The following TNRC6B variants were observed in gnomAD, a reference collection of about 807,000 sequenced individuals.
TNRC6B encodes trinucleotide repeat containing adaptor 6B.
In TNRC6B, 52 loss-of-function variants were observed where a neutral mutation model predicts 203.6. The observed-to-expected ratio is 0.26, with a 90% CI of 0.20 to 0.32. The LOEUF (loss-of-function observed/expected upper bound fraction) is 0.32, where lower values mean the gene tolerates loss of function less well. Among genes scored for constraint, TNRC6B ranks in the 10% least tolerant of loss-of-function variants. TNRC6B has a pLI of 1.00. For synonymous variants in TNRC6B, 838 were observed against 845.7 expected, an observed-to-expected ratio of 0.99 and a Z score of 0.16; for missense variants, 1,923 against 2,286.2, an observed-to-expected ratio of 0.84 and a Z score of 3.24.
intron 5 of TNRC6B, among the ~76,000 whole-genome samples, chr22:40,268,173 C>A (rs139958386): frequency 6.6e-6 from 1 of 152,148 alleles, no homozygotes; most frequent in Non-Finnish European, 1.5e-5. Context: ...CTATAACCTC[C>A]GTGCCAAGTT....
intron 1 of TNRC6B, among the ~76,000 whole-genome samples, chr22:40,194,408 T>C (rs2069311363): frequency 6.6e-6 from 1 of 152,190 alleles, no homozygotes; most frequent in South Asian, 2.1e-4. Flanking sequence ...TTGGGCATTA[T>C]GGTATTCTGC....
Position 40,277,976 on chromosome 22 carries a change from C to T in TNRC6B, c.3217-23C>T, listed in dbSNP as rs776299274. On this transcript the variant is annotated intron_variant, in intron 8 of 22. Coordinates refer to ENST00000454349, the MANE Select transcript of TNRC6B (RefSeq NM_001162501.2). ...CAAAGATGTGCATCCTTAATTCTCT[C>T]TCATCTGTTCTTTATTTTCCAGAGT... 3.3e-6 allele frequency: 5 copies of T among 1,535,210 alleles called. No homozygotes were observed. The South Asian group carries it at 6.0e-5, about 18-fold the overall frequency.
intron 3 of TNRC6B, among the ~76,000 whole-genome samples, chr22:40,148,254 A>G (rs375311556): frequency 5.3e-5 from 8 of 151,634 alleles, no homozygotes; most frequent in African/African-American, 1.9e-4. Flanking sequence ...GGAAGGTAAA[A>G]TGGCTACAAC....
chr22:40,211,995 C>T (rs540082096), intron 1 of TNRC6B, among the ~76,000 whole-genome samples: 24 of 152,356 alleles, frequency 1.6e-4, no homozygotes, highest in Admixed American at 2.6e-4. Context: ...TTTGCAATTA[C>T]AAATGTGGTT....
intron 3 of TNRC6B, among the ~76,000 whole-genome samples, chr22:40,149,999 A>AC (rs1172366242): frequency 6.7e-6 from 1 of 148,686 alleles, no homozygotes; most frequent in East Asian, 2.0e-4. Context: ...GCCAACAAAA[A>AC]ATTGAAAATA....
chr22:40,295,145 T>C (rs752717743), intron 12 of TNRC6B, among the ~76,000 whole-genome samples: 4 of 152,134 alleles, frequency 2.6e-5, no homozygotes, highest in Non-Finnish European at 5.9e-5. Context: ...ACAGGAAACC[T>C]GAACTTGGTC....
At chr22:40,075,777 TTTATAACAG>T (rs2068008111) in intron 1 of TNRC6B, among the ~76,000 whole-genome samples, 1 of 139,692 alleles carries the variant, frequency 7.2e-6, no homozygotes, top group African/African-American at 3.3e-5. Context: ...TTGTTTTACT[TTTATAACAG>T]TTGCTTTATG....
Position 40,178,117 on chromosome 22 carries a change from T to G in TNRC6B, c.-19T>G, listed in dbSNP as rs2069086432. 1 of 1,612,718 alleles carries G rather than the reference T, an allele frequency of 6.2e-7. No individual in the cohort carries two copies. The highest frequency in any genetic ancestry group is 1.3e-5 in the African/African-American group (1 of 74,962). On this transcript the variant is annotated 5_prime_UTR_variant, in exon 1 of 23. It adds an upstream start codon to the 5' untranslated region. Transcript: ENST00000454349. ...CCTTGTATGCCTCAATTTGCTGGAT[T>G]TAAGCACTGCTGCACTTTATGAGGT...
In TNRC6B at chr22:40,125,889, T is replaced by G. The variant is rs773999177; in HGVS notation, c.45+27T>G. On this transcript the variant is annotated intron_variant, in intron 3 of 23. Coordinates refer to the TNRC6B transcript ENST00000301923. ...TCAGTAAATTACTGAAAGGTACAGT[T>G]TGGGTAGAAATTGAACAGTAGAGGC... The G allele has an allele frequency of 1.4e-5, 22 of 1,606,110 alleles. No homozygotes were observed. In the South Asian group the frequency reaches 1.9e-4, roughly 14 times the overall value.
intron 1 of TNRC6B, among the ~76,000 whole-genome samples, chr22:40,089,608 G>T (rs2059150984): frequency 1.3e-5 from 2 of 151,910 alleles, no homozygotes; most frequent in African/African-American, 4.8e-5. Context: ...TATCATATTT[G>T]CCTGTTCTGT....
Position 40,188,358 on chromosome 22 carries a change from C to T in TNRC6B, c.5+10218C>T, listed in dbSNP as rs191361591. Among the ~76,000 whole-genome samples the T allele has an allele frequency of 7.2e-5, 11 of 152,240 alleles. No homozygotes were observed. The East Asian group carries it at 2.1e-3, about 29-fold the overall frequency. On this transcript the variant is annotated intron_variant, in intron 1 of 22. Transcript: ENST00000454349. ...GAAGCTTATTTTTCTGTGAAGTGCCCTGTCAGAGTTTGGGATATCAGCTAT... is the reference window on the plus strand; with the variant it reads ...GAAGCTTATTTTTCTGTGAAGTGCCTTGTCAGAGTTTGGGATATCAGCTAT...
In TNRC6B at chr22:40,280,020, T is replaced by G; in HGVS notation, c.3288T>G (p.Asp1096Glu). Residue 1096 changes from aspartate to glutamate, a missense_variant, in exon 10 of 23, where the codon GAT becomes GAG. This residue lies in a region of TNRC6B where 599 missense variants were observed against 656.5 expected (regional missense o/e 0.91). Transcript: ENST00000454349. ...GAAGCCTTTCAGATAAAAAATTTGA[T>G]GTGGACAAGCGAGCGATGAATCTCG... ...SVGSLSDKKF[D>E]VDKRAMNLGD... 2 of 1,613,908 alleles carry G rather than the reference T, an allele frequency of 1.2e-6. No homozygotes were observed. Among genetic ancestry groups the G allele is most frequent in the East Asian group, 2.2e-5 (1 of 44,874 alleles).
intron 1 of TNRC6B, among the ~76,000 whole-genome samples, chr22:40,102,489 G>A (rs9611265): frequency 6.6e-6 from 1 of 151,990 alleles, no homozygotes; most frequent in Non-Finnish European, 1.5e-5. Context: ...ACATGATTTG[G>A]CCTCACATGT....
At chr22:40,098,106 C>T (rs2068199721) in intron 1 of TNRC6B, among the ~76,000 whole-genome samples, 1 of 152,030 alleles carries the variant, frequency 6.6e-6, no homozygotes, top group Non-Finnish European at 1.5e-5. Context: ...GGAATTGCTG[C>T]TGGGCATGGT....
Position 40,280,062 on chromosome 22 carries a change from C to A in TNRC6B, c.3330C>A (p.Ile1110=). The change falls in exon 10 of 23, where the codon ATC becomes ATA. Residue 1110 remains isoleucine, a synonymous_variant. Coordinates refer to ENST00000454349, the MANE Select transcript of TNRC6B (RefSeq NM_001162501.2). ...RAMNLGDFND[I]MRKDRSGFRP... is the part of the protein sequence containing the mutation. ...TGAATCTCGGGGATTTTAATGATAT[C>A]ATGAGGAAGGATCGATCTGGGTTCC... is the stretch of plus-strand genomic sequence containing the variant. 2 of 1,613,664 alleles carry A rather than the reference C, an allele frequency of 1.2e-6. No individual in the cohort carries two copies. Among genetic ancestry groups the A allele is most frequent in the South Asian group, 1.1e-5 (1 of 91,052 alleles).
At chr22:40,202,260 G>GTTTTTTTT (rs200101424) in intron 1 of TNRC6B, among the ~76,000 whole-genome samples, 3 of 129,770 alleles carry the variant, frequency 2.3e-5, no homozygotes, top group Non-Finnish European at 3.4e-5. Context: ...TTGTTTTTTT[G>GTTTTTTTT]TTTTTTTTTT....
intron 3 of TNRC6B, among the ~76,000 whole-genome samples, chr22:40,145,402 CT>C (rs1461897927): frequency 2.6e-5 from 4 of 152,084 alleles, no homozygotes; most frequent in Non-Finnish European, 2.9e-5. Flanking sequence ...AATATTGATT[CT>C]TTTATCCACT....
At chr22:40,208,479 T>G (rs1293327658) in intron 1 of TNRC6B, among the ~76,000 whole-genome samples, 1 of 152,184 alleles carries the variant, frequency 6.6e-6, no homozygotes, top group East Asian at 1.9e-4. Flanking sequence ...CATAGCATTG[T>G]GTGAGAAAAA....
chr22:40,235,726 A>G lies in TNRC6B; in HGVS notation c.6-10289A>G, dbSNP rs759547332. Among the ~76,000 whole-genome samples, 10 of 152,340 alleles carry G rather than the reference A, an allele frequency of 6.6e-5. No individual in the cohort carries two copies. In the East Asian group the frequency reaches 1.3e-3, roughly 21 times the overall value. On this transcript the variant is annotated intron_variant, in intron 1 of 22. Coordinates refer to ENST00000454349, the MANE Select transcript of TNRC6B (RefSeq NM_001162501.2). The stretch of plus-strand genomic sequence containing the variant: ...TAAATACCCTTGTGGCTATCTGTCT[A>G]TTCCTGCTATACTTAAGGAATACTT...
Sources: gnomAD v4.1 joint callset for allele counts (sites outside exome capture counted in the v4.1 genomes callset) on GRCh38, gnomAD v4.1.1 for gene constraint, gnomAD v4.1.1 regional missense constraint, MANE v1.5 for transcripts, NCBI Gene and HGNC (gene_info 2026-07-23, HGNC 2026-07-21) for gene names.